The following NEDD4L variants were observed in gnomAD, a reference collection of about 807,000 sequenced individuals.
The protein encoded by NEDD4L is NEDD4 like E3 ubiquitin protein ligase, also known as E3 ubiquitin-protein ligase NEDD4-like.
A neutral mutation model predicts 148.9 loss-of-function variants in NEDD4L; 54 were observed. The ratio of observed to expected loss-of-function variants is 0.36; its 90% confidence interval spans 0.29 to 0.45. NEDD4L has a LOEUF of 0.45. NEDD4L is among the 20% of genes least tolerant of loss of function. The pLI, the probability that NEDD4L is intolerant of heterozygous loss-of-function variation, is 1.00. For synonymous variants in NEDD4L, 433 were observed against 440.7 expected (o/e 0.98, Z 0.22); for missense variants, 856 against 1,233.8 (o/e 0.69, Z 4.59).
At chr18:58,326,720 C>G (rs1228809963) in intron 9 of NEDD4L, among the ~76,000 whole-genome samples, 4 of 152,308 alleles carry the variant, frequency 2.6e-5, no homozygotes, top group South Asian at 2.1e-4. Flanking sequence ...GGAAAAAATC[C>G]TGATAGCTAA....
In NEDD4L at chr18:58,316,002, C is replaced by T. The variant is rs753151234; in HGVS notation, c.318C>T (p.Gly106=). The T allele has an allele frequency of 1.2e-6, 2 of 1,613,520 alleles. No homozygotes were observed. Among genetic ancestry groups the T allele is most frequent in the Admixed American group, 1.7e-5 (1 of 60,002 alleles). Residue 106 remains glycine, a synonymous_variant, in exon 6 of 31, where the codon GGC becomes GGT. Transcript: ENST00000400345. ...ENRLTRDDFL[G]QVDVPLSHLP... ...AACAGACACGAGACGACTTCCTGGG[C>T]CAGGTGGACGTGCCCCTTAGTCACC...
In NEDD4L at chr18:58,349,440, G is replaced by A. The variant is rs1036557943; in HGVS notation, c.1576-97G>A. 4.3e-6 allele frequency: 4 copies of A among 927,828 alleles called. No individual in the cohort carries two copies. The African/African-American group carries it at 4.8e-5, about 11-fold the overall frequency. The allele number at this position is 927,828 out of a possible 1,614,324, so 57.5% of individuals were successfully genotyped here. Reference sequence around the variant, plus strand: ...TCACGCTCCAGGCATGGACAGCCTGGTTGCCTTGAAACAAACAGCTCAAGA... The same window carrying A: ...TCACGCTCCAGGCATGGACAGCCTGATTGCCTTGAAACAAACAGCTCAAGA... On this transcript the variant is annotated intron_variant, in intron 16 of 30. Transcript: ENST00000400345.
At chr18:58,318,185 T>TTAG (rs1253086095) in intron 6 of NEDD4L, among the ~76,000 whole-genome samples, 2 of 152,170 alleles carry the variant, frequency 1.3e-5, no homozygotes, top group Non-Finnish European at 2.9e-5. Flanking sequence ...GTGTTCTTGA[T>TTAG]TAGTATATGA....
chr18:58,162,743 T>A (rs1442612923), intron 1 of NEDD4L, among the ~76,000 whole-genome samples: 1 of 151,912 alleles, frequency 6.6e-6, no homozygotes, highest in African/African-American at 2.4e-5. Context: ...TCATTACAGG[T>A]TCTCTATGCA....
chr18:58,088,823 C>T (rs1006345188), intron 1 of NEDD4L, among the ~76,000 whole-genome samples: 2 of 151,932 alleles, frequency 1.3e-5, no homozygotes, highest in African/African-American at 2.4e-5. Context: ...TACTGACTGG[C>T]GTATTTATAT....
intron 13 of NEDD4L, among the ~76,000 whole-genome samples, chr18:58,338,735 G>C (rs1472027589): frequency 6.6e-6 from 1 of 152,158 alleles, no homozygotes; most frequent in African/African-American, 2.4e-5. Flanking sequence ...GACCAACGTG[G>C]TGAAACCCTG....
At chr18:58,223,067 G>A (rs1488220267) in intron 2 of NEDD4L, among the ~76,000 whole-genome samples, 1 of 147,506 alleles carries the variant, frequency 6.8e-6, no homozygotes, top group Admixed American at 6.8e-5. Context: ...CTTTTTTAAT[G>A]TCTGTAAGGA....
In NEDD4L at chr18:58,370,407, T is replaced by A; in HGVS notation, c.2196T>A (p.Ile732=). 6.2e-7 allele frequency: 1 copy of A among 1,609,742 alleles called. No homozygotes were observed. The part of the protein sequence containing the change: ...FHGKLLDGFF[I]RPFYKMMLGK... ...TTTACCGTGTTTTAGGTTTCTTCAT[T>A]AGACCATTTTACAAGATGATGTTGG... Residue 732 remains isoleucine (I), a synonymous_variant, in exon 23 of 31, where the codon ATT becomes ATA. Coordinates refer to ENST00000400345, the MANE Select transcript of NEDD4L (RefSeq NM_001144967.3).
intron 5 of NEDD4L, among the ~76,000 whole-genome samples, chr18:58,295,373 A>G (rs1164915449): frequency 6.6e-6 from 1 of 152,148 alleles, no homozygotes; most frequent in African/African-American, 2.4e-5. Context: ...TGCAGTGTGT[A>G]GCCTTTTCAT....
intron 1 of NEDD4L, among the ~76,000 whole-genome samples, chr18:58,077,764 A>T (rs1417727579): frequency 2.6e-5 from 4 of 152,196 alleles, no homozygotes; most frequent in Non-Finnish European, 4.4e-5. Flanking sequence ...AGTTATCTTT[A>T]ACCTGACCAT....
At chr18:58,354,842 G>C (rs2044377607) in intron 18 of NEDD4L, among the ~76,000 whole-genome samples, 1 of 152,192 alleles carries the variant, frequency 6.6e-6, no homozygotes, top group East Asian at 1.9e-4. Context: ...GGCCCTGAGA[G>C]AATGGGTCAC....
intron 2 of NEDD4L, among the ~76,000 whole-genome samples, chr18:58,194,876 G>A (rs2040491049): frequency 6.6e-6 from 1 of 152,202 alleles, no homozygotes; most frequent in African/African-American, 2.4e-5. Context: ...TTGATTGCAG[G>A]ACCGGTGGTC....
intron 1 of NEDD4L, among the ~76,000 whole-genome samples, chr18:58,087,270 T>C (rs569741671): frequency 1.3e-5 from 2 of 152,200 alleles, no homozygotes; most frequent in African/African-American, 2.4e-5. Context: ...TGCTAAACTT[T>C]CCATCAGGAA....
intron 2 of NEDD4L, among the ~76,000 whole-genome samples, chr18:58,234,097 C>CTTTCTTTCTTTCTTTCT (rs1483373337): frequency 1.5e-3 from 126 of 83,354 alleles, no homozygotes; most frequent in Middle Eastern, 5.2e-3. Context: ...TTCTTTCTTT[C>CTTTCTTTCTTTCTTTCT]TTTCTTTTCT....
chr18:58,074,403 T>G (rs1348048541), intron 1 of NEDD4L, among the ~76,000 whole-genome samples: 1 of 150,772 alleles, frequency 6.6e-6, no homozygotes, highest in East Asian at 1.9e-4. Context: ...GGATTACAGT[T>G]GCGTGCCACC....
intron 26 of NEDD4L, among the ~76,000 whole-genome samples, chr18:58,386,122 G>A (rs1284130703): frequency 2.0e-5 from 3 of 151,908 alleles, no homozygotes; most frequent in South Asian, 4.2e-4. Flanking sequence ...GTGCGATCTC[G>A]GCTCACTGCA....
chr18:58,165,708 C>T, intron 1 of NEDD4L, 80 bp from the exon 2 acceptor site: 4 of 1,519,580 alleles, frequency 2.6e-6, no homozygotes, highest in Non-Finnish European at 3.6e-6. Context: ...GAGTAGAAAT[C>T]AATTACTTTA....
At chr18:58,327,929 T>G (rs1254237598) in intron 9 of NEDD4L, among the ~76,000 whole-genome samples, 1 of 150,888 alleles carries the variant, frequency 6.6e-6, no homozygotes, top group Admixed American at 6.6e-5. Context: ...TATAATTTAC[T>G]GCAAAAAAAA....
intron 25 of NEDD4L, among the ~76,000 whole-genome samples, chr18:58,385,020 G>T (rs2048822970): frequency 6.6e-6 from 1 of 152,148 alleles, no homozygotes; most frequent in Admixed American, 6.5e-5. Flanking sequence ...TGCTGATAAA[G>T]CTTATATGTT....
Sources: allele counts gnomAD v4.1 joint callset (sites outside exome capture counted in the v4.1 genomes callset), GRCh38; gene constraint gnomAD v4.1.1; transcripts MANE v1.5; gene names NCBI Gene and HGNC (gene_info 2026-07-23, HGNC 2026-07-21).